The following ATG2B variants were observed in gnomAD, a reference collection of about 807,000 sequenced individuals.
ATG2B encodes autophagy-related protein 2 homolog B.
ATG2B carries 121 observed loss-of-function variants against 241.3 expected under a neutral mutation model. That is an observed-to-expected ratio of 0.50 (90% confidence interval 0.43 to 0.58). The LOEUF is 0.58. Among genes scored for constraint, ATG2B ranks in the 20% least tolerant of loss-of-function variants. ATG2B has a pLI of 0.00. For synonymous variants in ATG2B, 858 were observed against 876.6 expected, an observed-to-expected ratio of 0.98 and a Z score of 0.37; for missense variants, 2,306 against 2,491.6, an observed-to-expected ratio of 0.93 and a Z score of 1.59.
At chr14:96,358,244 T>C (rs887025091) in intron 1 of ATG2B, among the ~76,000 whole-genome samples, 2 of 152,126 alleles carry the variant, frequency 1.3e-5, no homozygotes, top group African/African-American at 4.8e-5. Flanking sequence ...AAGATCAGCC[T>C]GGGCAACATA....
chr14:96,315,062 G>T, intron 23 of ATG2B, 92 bp downstream of exon 23: 2 of 876,464 alleles, frequency 2.3e-6, no homozygotes, highest in South Asian at 3.1e-5. Context: ...TCACTGAGCT[G>T]AACATTTATG....
intron 10 of ATG2B, 72 bp from the exon 11 acceptor site, chr14:96,331,709 C>T (rs2139881156): frequency 3.3e-6 from 4 of 1,194,788 alleles, no homozygotes; most frequent in Non-Finnish European, 3.5e-6. Flanking sequence ...AAAACATTTA[C>T]TCATTTATTA....
intron 6 of ATG2B, among the ~76,000 whole-genome samples, chr14:96,340,233 G>A (rs1317840362): frequency 8.9e-6 from 1 of 112,618 alleles, no homozygotes; most frequent in Non-Finnish European, 2.2e-5. Flanking sequence ...GTGTGTGTGT[G>A]TATTTATATA....
intron 18 of ATG2B, among the ~76,000 whole-genome samples, chr14:96,321,416 A>G (rs1448455116): frequency 6.6e-6 from 1 of 152,200 alleles, no homozygotes; most frequent in Admixed American, 6.5e-5. Context: ...ATTATAACAG[A>G]CAACCACTAA....
At position 96,332,547 on chromosome 14, in the gene ATG2B, C is replaced by G. The variant is rs762140657; in HGVS notation, c.1316G>C (p.Ser439Thr). 1 of 1,611,248 alleles carries G rather than the reference C, an allele frequency of 6.2e-7. No homozygotes were observed. Among genetic ancestry groups the G allele is most frequent in the Non-Finnish European group, 8.5e-7 (1 of 1,178,998 alleles). ...PNMDLELSLT[S>T]TYTNTPAGSP... is the part of the protein sequence containing the mutation. ...TCCTGCTGGGGTATTTGTATATGTA[C>G]TAGTTAATGATAACTCAAGGTCCAT... The change falls in exon 9 of 42, where the codon AGT (serine) becomes ACT (threonine). Residue 439 changes from serine to threonine, a missense_variant. Coordinates refer to ENST00000359933, the MANE Select transcript of ATG2B (RefSeq NM_018036.7).
intron 11 of ATG2B, among the ~76,000 whole-genome samples, chr14:96,330,859 C>T (rs1887713218): frequency 6.6e-6 from 1 of 152,212 alleles, no homozygotes; most frequent in South Asian, 2.1e-4. Context: ...GGATCACTCA[C>T]TGGCTATTTG....
At chr14:96,327,876 G>T (rs1460932222) in intron 14 of ATG2B, among the ~76,000 whole-genome samples, 1 of 152,136 alleles carries the variant, frequency 6.6e-6, no homozygotes, top group African/African-American at 2.4e-5. Flanking sequence ...AAGCTGAAGT[G>T]CAGTGATGCG....
chr14:96,336,121 A>C (rs1420416499), intron 6 of ATG2B, among the ~76,000 whole-genome samples: 1 of 151,846 alleles, frequency 6.6e-6, no homozygotes, highest in African/African-American at 2.4e-5. Context: ...ACAGACTTAC[A>C]CACTACTCAA....
Position 96,282,189 on chromosome 14 carries a change from C to A in ATG2B, c.*3566G>T, listed in dbSNP as rs1407201471. 1.3e-5 allele frequency: 2 copies of A among 152,184 alleles called. No individual in the cohort carries two copies. Among genetic ancestry groups the A allele is most frequent in the African/African-American group, 2.4e-5 (1 of 41,432 alleles). 9.4% of individuals were successfully genotyped at this position (152,184 alleles called of 1,614,324 possible). ...TTTCCTTCATTATCTATAAACTATACAAATAACCTTCCTTTTTAACCTAAG... is the reference window on the plus strand; with the variant it reads ...TTTCCTTCATTATCTATAAACTATAAAAATAACCTTCCTTTTTAACCTAAG... On this transcript the variant is annotated 3_prime_UTR_variant, in exon 42 of 42. Coordinates refer to ENST00000359933, the MANE Select transcript of ATG2B (RefSeq NM_018036.7).
intron 1 of ATG2B, among the ~76,000 whole-genome samples, chr14:96,357,636 G>C (rs543381359): frequency 6.6e-6 from 1 of 151,648 alleles, no homozygotes; most frequent in East Asian, 1.9e-4. Context: ...CACAAGTTAC[G>C]GTCATCAAGG....
intron 1 of ATG2B, among the ~76,000 whole-genome samples, chr14:96,349,971 C>T (rs1325674353): frequency 6.6e-6 from 1 of 152,094 alleles, no homozygotes; most frequent in Non-Finnish European, 1.5e-5. Context: ...GCCTGGGCAA[C>T]ACATCAAAAC....
Position 96,315,529 on chromosome 14 carries a change from C to T in ATG2B, c.3416G>A (p.Arg1139His), listed in dbSNP as rs200190067. ...AATAGTAGGTTCCAACCAGTGTGGG[C>T]GGGTTGAGCTGGGAAGTCGTGTTTC... ...PTETRLPSST[R>H]PHWLEPTIYS... Residue 1139 changes from arginine to histidine, a missense_variant, in exon 22 of 42, where the codon CGC (arginine) becomes CAC (histidine). By Grantham distance (29) the Arg-to-His change is conservative. This residue lies in a region of ATG2B where 1,927 missense variants were observed against 2,011.2 expected (regional missense o/e 0.96). Coordinates refer to ENST00000359933, the MANE Select transcript of ATG2B (RefSeq NM_018036.7). The T allele has an allele frequency of 3.0e-5, 49 of 1,614,066 alleles. No individual in the cohort carries two copies. The East Asian group carries it at 6.0e-4, about 20-fold the overall frequency.
intron 6 of ATG2B, among the ~76,000 whole-genome samples, chr14:96,337,799 T>C (rs936112194): frequency 6.6e-6 from 1 of 152,178 alleles, no homozygotes; most frequent in Admixed American, 6.5e-5. Context: ...GGTTGTTTTT[T>C]CTAGTTCTGT....
chr14:96,351,386 G>C (rs367832967), intron 1 of ATG2B, among the ~76,000 whole-genome samples: 7 of 152,282 alleles, frequency 4.6e-5, no homozygotes, highest in African/African-American at 1.7e-4. Context: ...AGGATTGCTT[G>C]AGTCCAGGAA....
chr14:96,324,470 A>C (rs1887539468), intron 15 of ATG2B, among the ~76,000 whole-genome samples: 1 of 152,076 alleles, frequency 6.6e-6, no homozygotes, highest in African/African-American at 2.4e-5. Flanking sequence ...GGATCACCTG[A>C]GGTCAGGAGT....
chr14:96,304,505 T>C lies in ATG2B; in HGVS notation c.4832A>G (p.Gln1611Arg). ...CAAATGCCATCTTACCTTGCTTAGC[T>C]GTATTTCCATTAAAAAGTCATGGTT... is the stretch of plus-strand genomic sequence containing the variant. ...GRNHDFLMEIQLSKVKFQHEV... is the reference protein window; with the variant it reads ...GRNHDFLMEIRLSKVKFQHEV... The change falls in exon 32 of 42, where the codon CAG becomes CGG. Residue 1611 changes from glutamine to arginine, a missense_variant. By Grantham distance (43) the Gln-to-Arg change is conservative (BLOSUM62 1). This residue lies in a region of ATG2B where 1,927 missense variants were observed against 2,011.2 expected (regional missense o/e 0.96). Coordinates refer to ENST00000359933, the MANE Select transcript of ATG2B (RefSeq NM_018036.7). The C allele has an allele frequency of 6.2e-7, 1 of 1,612,580 alleles. No individual in the cohort carries two copies.
At chr14:96,328,291 T>C in intron 14 of ATG2B, 56 bp downstream of exon 14, 2 of 1,233,498 alleles carry the variant, frequency 1.6e-6, no homozygotes, top group Non-Finnish European at 1.1e-6. Context: ...ATTATCTCAA[T>C]AACCCTATTA....
chr14:96,349,859 AT>A (rs1888266915), intron 1 of ATG2B, among the ~76,000 whole-genome samples: 1 of 152,188 alleles, frequency 6.6e-6, no homozygotes, highest in Non-Finnish European at 1.5e-5. Flanking sequence ...ACAGATTAAC[AT>A]TACAAACACA....
chr14:96,305,553 G>A, intron 31 of ATG2B, 36 bp downstream of exon 31: 1 of 1,375,250 alleles, frequency 7.3e-7, no homozygotes, highest in Non-Finnish European at 1.0e-6. Flanking sequence ...AGAATATATT[G>A]GCCTCCCAAA....
Sources: gnomAD v4.1 joint callset for allele counts (sites outside exome capture counted in the v4.1 genomes callset) on GRCh38, gnomAD v4.1.1 for gene constraint, gnomAD v4.1.1 regional missense constraint, MANE v1.5 for transcripts, NCBI Gene and HGNC (gene_info 2026-07-23, HGNC 2026-07-21) for gene names.